The following HSD17B12 variants were observed in gnomAD, a reference collection of about 807,000 sequenced individuals.
HSD17B12 encodes the protein very-long-chain 3-oxoacyl-CoA reductase.
HSD17B12 carries 32 observed loss-of-function variants against 39.3 expected under a neutral mutation model. The ratio of observed to expected loss-of-function variants is 0.81; its 90% CI spans 0.61 to 1.09. HSD17B12 has a LOEUF of 1.09. Ranked by LOEUF, HSD17B12 falls within the 50% of genes least tolerant of loss-of-function variation. The probability of loss-of-function intolerance (pLI) is 0.00; values close to 1 mark genes in which losing one functional copy is unlikely to be tolerated. For missense variants in HSD17B12, 342 were observed against 382.9 expected, an observed-to-expected ratio of 0.89 and a Z score of 0.89; for synonymous variants, 150 against 146.7, an observed-to-expected ratio of 1.02 and a Z score of -0.16.
At chr11:43,849,338 T>A (rs1951509694) in intron 9 of HSD17B12, among the ~76,000 whole-genome samples, 1 of 152,082 alleles carries the variant, frequency 6.6e-6, no homozygotes, top group African/African-American at 2.4e-5. Context: ...ATCCAGTTAC[T>A]TCACTGCTAT....
intron 3 of HSD17B12, among the ~76,000 whole-genome samples, chr11:43,762,333 A>G (rs1468630197): frequency 6.6e-6 from 1 of 152,174 alleles, no homozygotes; most frequent in African/African-American, 2.4e-5. Flanking sequence ...TTCCTGGTAC[A>G]ATTTGTCAGA....
At chr11:43,786,999 A>C (rs1287267121) in intron 3 of HSD17B12, among the ~76,000 whole-genome samples, 1 of 152,178 alleles carries the variant, frequency 6.6e-6, no homozygotes, top group Admixed American at 6.5e-5. Context: ...GCTGGAGGGC[A>C]GTGGTGATCT....
rs766228127 is a variant in HSD17B12, at chr11:43,680,763, C to T, written c.-65C>T. The T allele has an allele frequency of 1.1e-5, 16 of 1,453,046 alleles. No individual in the cohort carries two copies. Among genetic ancestry groups the T allele is most frequent in the Non-Finnish European group, 1.5e-5 (15 of 1,034,366 alleles). 90.0% of individuals were successfully genotyped at this position (1,453,046 alleles called of 1,614,324 possible). A position where few individuals can be genotyped will look rare whatever the true frequency, so the allele number is the denominator to read the frequency against. On this transcript the variant is annotated 5_prime_UTR_variant, in exon 1 of 11. Transcript: ENST00000278353. The stretch of plus-strand genomic sequence containing the variant: ...GTCATCCTCACCGTCACGGCCGGCG[C>T]CTCCTCCTGGATTCATTCACTCGCT...
chr11:43,564,384 AATGAT>A, the HSD17B12 span, among the ~76,000 whole-genome samples: 8 of 152,334 alleles, frequency 5.3e-5, no homozygotes, highest in South Asian at 1.7e-3. Context: ...AGATTTGGGA[AATGAT>A]ATAAGGGACA....
intron 1 of HSD17B12, among the ~76,000 whole-genome samples, chr11:43,705,854 C>T (rs369395749): frequency 2.0e-5 from 3 of 150,092 alleles, no homozygotes; most frequent in East Asian, 4.0e-4. Flanking sequence ...CTTCACCTCC[C>T]CGGCTCAAAT....
At chr11:43,821,011 T>C (rs1245923394) in intron 6 of HSD17B12, among the ~76,000 whole-genome samples, 3 of 152,146 alleles carry the variant, frequency 2.0e-5, no homozygotes, top group Admixed American at 1.3e-4. Context: ...ACCAAAGAAA[T>C]TGTAGGTCAC....
the HSD17B12 span, among the ~76,000 whole-genome samples, chr11:43,590,895 G>A: frequency 6.6e-6 from 1 of 150,908 alleles, no homozygotes; most frequent in Non-Finnish European, 1.5e-5. Context: ...GCTTGCTACA[G>A]GTGGGTGTTC....
rs1386793360 is a variant in HSD17B12, at chr11:43,838,398, GGTAAAAAAT to G, written c.618+1_618+9del. On this transcript the variant is annotated splice_donor_variant and splice_donor_5th_base_variant and intron_variant, in intron 8 of 10. Coordinates refer to ENST00000278353, the MANE Select transcript of HSD17B12 (RefSeq NM_016142.3). LOFTEE classifies it high-confidence loss of function. ...TCTTGACCATCTATTCTGCAACCAA[GGTAAAAAAT>G]ATTTTCTTAAATCATGTCAATATAG... 2 of 1,606,090 alleles carry G rather than the reference GGTAAAAAAT, an allele frequency of 1.2e-6. No homozygotes were observed. Among genetic ancestry groups the G allele is most frequent in the Non-Finnish European group, 1.7e-6 (2 of 1,173,182 alleles).
the HSD17B12 span, among the ~76,000 whole-genome samples, chr11:43,590,314 T>C: frequency 3.3e-5 from 5 of 151,612 alleles, no homozygotes; most frequent in Non-Finnish European, 7.4e-5. Context: ...TAGTAGACTC[T>C]GGGTCAGTTA....
chr11:43,750,870 GTAAT>G, intron 1 of HSD17B12, 37 bp from the exon 2 acceptor site: 1 of 1,473,390 alleles, frequency 6.8e-7, no homozygotes, highest in South Asian at 1.2e-5. Context: ...ATTCCTCAAT[GTAAT>G]TCTTAGACTA....
At chr11:43,581,500 G>C in the HSD17B12 span, 3 of 492,476 alleles carry the variant, frequency 6.1e-6, no homozygotes, top group South Asian at 3.0e-5. The surrounding 1 kb of genome is among the most constrained non-coding windows in gnomAD (Gnocchi z 4.9). Context: ...TCGAGAAGAC[G>C]GCAGCCATCC....
the HSD17B12 span, among the ~76,000 whole-genome samples, chr11:43,601,480 TG>T: frequency 6.6e-6 from 1 of 150,390 alleles, no homozygotes; most frequent in African/African-American, 2.4e-5. Flanking sequence ...GTTTTTTCCT[TG>T]GGGTCTACAG....
the HSD17B12 span, among the ~76,000 whole-genome samples, chr11:43,583,518 A>AC: frequency 3.3e-5 from 5 of 151,462 alleles, no homozygotes; most frequent in Non-Finnish European, 5.9e-5. Flanking sequence ...AAAGGAAGAG[A>AC]CCCCTTCCCC....
At chr11:43,746,700 G>A (rs1413708122) in intron 1 of HSD17B12, among the ~76,000 whole-genome samples, 2 of 151,914 alleles carry the variant, frequency 1.3e-5, no homozygotes, top group Non-Finnish European at 2.9e-5. Flanking sequence ...TATCATTATC[G>A]AGCACTATAT....
At chr11:43,592,390 A>T in the HSD17B12 span, among the ~76,000 whole-genome samples, 2 of 152,140 alleles carry the variant, frequency 1.3e-5, no homozygotes, top group African/African-American at 4.8e-5. Context: ...AAATTTTCAG[A>T]AGTAATTCAA....
chr11:43,784,636 A>T (rs1278919991), intron 3 of HSD17B12, among the ~76,000 whole-genome samples: 1 of 152,156 alleles, frequency 6.6e-6, no homozygotes, highest in Admixed American at 6.5e-5. Flanking sequence ...CAGGGTGGCA[A>T]CAAAACCTTT....
chr11:43,609,436 G>C, the HSD17B12 span, among the ~76,000 whole-genome samples: 8 of 151,686 alleles, frequency 5.3e-5, no homozygotes, highest in African/African-American at 1.9e-4. Flanking sequence ...TGCAGTCATG[G>C]TTCACTGCAG....
At chr11:43,606,877 A>G in the HSD17B12 span, among the ~76,000 whole-genome samples, 1 of 152,154 alleles carries the variant, frequency 6.6e-6, no homozygotes, top group Non-Finnish European at 1.5e-5. Context: ...TAAAAATCAG[A>G]TGACTTGAAA....
chr11:43,770,493 C>T (rs1024961763), intron 3 of HSD17B12, among the ~76,000 whole-genome samples: 10 of 152,162 alleles, frequency 6.6e-5, no homozygotes, highest in African/African-American at 2.2e-4. Flanking sequence ...TTGAGAAGGC[C>T]AAAGTGGGAG....
Sources: allele counts gnomAD v4.1 joint callset (sites outside exome capture counted in the v4.1 genomes callset), GRCh38; gene constraint gnomAD v4.1.1; non-coding constraint Gnocchi (gnomAD v3.1); transcripts MANE v1.5; gene names NCBI Gene and HGNC (gene_info 2026-07-23, HGNC 2026-07-21).